The following CEP57L1 variants were observed in gnomAD, a reference collection of about 807,000 sequenced individuals.
The protein encoded by CEP57L1 is centrosomal protein 57 like 1, also known as centrosomal protein CEP57L1.
Under a neutral mutation model 61.0 loss-of-function variants are expected in CEP57L1, and 37 were observed. The ratio of observed to expected loss-of-function variants is 0.61; its 90% CI spans 0.47 to 0.80. The LOEUF is 0.80. Among genes scored for constraint, CEP57L1 ranks in the 30% least tolerant of loss-of-function variants. CEP57L1 has a pLI of 0.00. For missense variants in CEP57L1, 422 were observed against 524.7 expected (o/e 0.80, Z 1.91); for synonymous variants, 137 against 162.3 (o/e 0.84, Z 1.19).
chr6:109,125,525 T>TATATACACATATATATATATATA (rs11454984), intron 1 of CEP57L1, among the ~76,000 whole-genome samples: 3 of 107,546 alleles, frequency 2.8e-5, no homozygotes, highest in African/African-American at 1.1e-4. Context: ...TATATATATA[T>TATATACACATATATATATATATA]TTTTTTTTTA....
In CEP57L1 at chr6:109,170,695, T is replaced by C. The variant is rs1774362642; in HGVS notation, c.*7725T>C. Among the ~76,000 whole-genome samples, 1 of 152,206 alleles carries C rather than the reference T, an allele frequency of 6.6e-6. No homozygotes were observed. Among genetic ancestry groups the C allele is most frequent in the Non-Finnish European group, 1.5e-5 (1 of 68,036 alleles). On this transcript the variant is annotated 3_prime_UTR_variant, in exon 11 of 11. Coordinates refer to ENST00000517392, the MANE Select transcript of CEP57L1 (RefSeq NM_001271852.3). ...TTTTAAAAAGCTCTCGAGAAGTCTG[T>C]GGAACATTTATGGTTTTATAACTTA...
upstream of CEP57L1, chr6:109,095,481 A>G (rs1378729085): frequency 3.0e-6 from 3 of 985,848 alleles, no homozygotes; most frequent in African/African-American, 5.2e-5. Flanking sequence ...TTTGCGACAG[A>G]AACTACAACC....
intron 1 of CEP57L1, among the ~76,000 whole-genome samples, chr6:109,096,346 G>A (rs1341836846): frequency 2.6e-5 from 4 of 152,174 alleles, no homozygotes; most frequent in Non-Finnish European, 5.9e-5. Context: ...CTAGTTGTTA[G>A]ACATACGGTT....
intron 1 of CEP57L1, among the ~76,000 whole-genome samples, chr6:109,099,043 T>C (rs1005183016): frequency 2.6e-5 from 4 of 152,120 alleles, no homozygotes; most frequent in Non-Finnish European, 4.4e-5. Flanking sequence ...ATCTGCAGAT[T>C]TGTGAATGGG....
chr6:109,138,891 A>C lies in CEP57L1; in HGVS notation c.-3-6328A>C, dbSNP rs9386771. ...CTATGAACAATTCTTTTCCTTCGTC[A>C]TAGTTTCATGGATAGAAGATTCATT... On this transcript the variant is annotated intron_variant, in intron 1 of 10. Coordinates refer to ENST00000517392, the MANE Select transcript of CEP57L1 (RefSeq NM_001271852.3). Among the ~76,000 whole-genome samples the C allele has an allele frequency of 2.8e-4, 43 of 152,340 alleles. No individual in the cohort carries two copies. The East Asian group carries it at 6.4e-3, about 23-fold the overall frequency.
intron 1 of CEP57L1, among the ~76,000 whole-genome samples, chr6:109,123,008 G>A (rs1773153235): frequency 6.6e-6 from 1 of 152,150 alleles, no homozygotes; most frequent in Admixed American, 6.5e-5. Context: ...ATATATTTAT[G>A]GGCCGTATCC....
intron 1 of CEP57L1, among the ~76,000 whole-genome samples, chr6:109,100,607 A>C (rs1392676303): frequency 6.9e-6 from 1 of 145,356 alleles, no homozygotes; most frequent in Non-Finnish European, 1.5e-5. Context: ...CCCAGGAGGC[A>C]GAGGTTGCAG....
At chr6:109,131,952 T>C (rs918551838) in intron 1 of CEP57L1, among the ~76,000 whole-genome samples, 1 of 152,144 alleles carries the variant, frequency 6.6e-6, no homozygotes, top group Admixed American at 6.6e-5. Flanking sequence ...AAAGTGTGAA[T>C]CATCCCCTGT....
At chr6:109,153,290 G>A (rs1231127958) in intron 4 of CEP57L1, among the ~76,000 whole-genome samples, 14 of 128,740 alleles carry the variant, frequency 1.1e-4, no homozygotes, top group Admixed American at 3.7e-4. Flanking sequence ...TGCCCAGACT[G>A]GAGTGCGGTA....
Position 109,163,598 on chromosome 6 carries a change from G to T in CEP57L1, c.*628G>T, listed in dbSNP as rs1318278546. The T allele has an allele frequency of 6.6e-6, 1 of 151,866 alleles. No individual in the cohort carries two copies. The highest frequency in any genetic ancestry group is 1.5e-5 in the Non-Finnish European group (1 of 67,942). 9.4% of individuals were successfully genotyped at this position (151,866 alleles called of 1,614,324 possible). Reference sequence around the variant, plus strand: ...ATTCCCATTCTCTTTTACAAAACTAGTTTTTTTTAAAAAATCAATGATCAA... The same window carrying T: ...ATTCCCATTCTCTTTTACAAAACTATTTTTTTTTAAAAAATCAATGATCAA... On this transcript the variant is annotated 3_prime_UTR_variant, in exon 11 of 11. Coordinates refer to ENST00000517392, the MANE Select transcript of CEP57L1 (RefSeq NM_001271852.3).
At position 109,159,355 on chromosome 6, in the gene CEP57L1, T is replaced by C. The variant is rs764414035; in HGVS notation, c.909T>C (p.Thr303=). 3.1e-6 allele frequency: 5 copies of C among 1,614,116 alleles called. No homozygotes were observed. In the South Asian group the frequency reaches 3.3e-5, roughly 11 times the overall value. Residue 303 remains threonine (T), a synonymous_variant, in exon 9 of 11, where the codon ACT becomes ACC. Transcript: ENST00000517392. ...TRCLPKPSRT[T]SWCKAIPPDS... The stretch of plus-strand genomic sequence containing the variant: ...GTCTCCCCAAGCCTTCTAGAACAAC[T>C]TCCTGGTGTAAAGCTATTCCTCCTG...
intron 2 of CEP57L1, among the ~76,000 whole-genome samples, chr6:109,146,511 C>G (rs1039507792): frequency 6.6e-6 from 1 of 151,804 alleles, no homozygotes; most frequent in Non-Finnish European, 1.5e-5. Flanking sequence ...GTGGTTATTA[C>G]CTTTCTCAGT....
intron 7 of CEP57L1, chr6:109,158,216 G>A (rs1008636061): frequency 1.3e-5 from 2 of 156,474 alleles, no homozygotes; most frequent in South Asian, 1.9e-4. Context: ...AGCCGGGCGC[G>A]GTGGCTCACA....
intron 1 of CEP57L1, among the ~76,000 whole-genome samples, chr6:109,130,215 A>G (rs1583497860): frequency 1.3e-5 from 2 of 151,262 alleles, no homozygotes; most frequent in East Asian, 1.9e-4. Context: ...AACTCATTTC[A>G]CTCCCCCCCA....
rs138572884 is a variant in CEP57L1, at chr6:109,156,294, A to C, written c.744+417A>C. The C allele has an allele frequency of 2.4e-3, 363 of 152,930 alleles. 8 individuals are homozygous for C. Among genetic ancestry groups the C allele is most frequent in the Non-Finnish European group, 7.3e-4 (50 of 68,522 alleles). The allele number at this position is 152,930 out of a possible 1,614,324, so 9.5% of individuals were successfully genotyped here. ...ACAACACAGTAGATACTGACAACATAATAAATCCTGAAAGCAGTTTTATGT... is the reference window on the plus strand; with the variant it reads ...ACAACACAGTAGATACTGACAACATCATAAATCCTGAAAGCAGTTTTATGT... On this transcript the variant is annotated intron_variant, in intron 7 of 10. Coordinates refer to ENST00000517392, the MANE Select transcript of CEP57L1 (RefSeq NM_001271852.3).
At chr6:109,151,320 A>G (rs966974950) in intron 4 of CEP57L1, among the ~76,000 whole-genome samples, 4 of 152,212 alleles carry the variant, frequency 2.6e-5, no homozygotes, top group Non-Finnish European at 4.4e-5. Context: ...ATAAGATGAA[A>G]GTCTTTCTCT....
chr6:109,147,242 G>A (rs994398299), intron 3 of CEP57L1, among the ~76,000 whole-genome samples: 5 of 151,964 alleles, frequency 3.3e-5, no homozygotes, highest in East Asian at 1.9e-4. Flanking sequence ...AATTTAACCC[G>A]TAATTGAATA....
chr6:109,113,169 C>T (rs1771873945), intron 1 of CEP57L1, among the ~76,000 whole-genome samples: 1 of 152,090 alleles, frequency 6.6e-6, no homozygotes, highest in African/African-American at 2.4e-5. Flanking sequence ...TCTCTAAGAA[C>T]TTGCTTTATG....
intron 1 of CEP57L1, among the ~76,000 whole-genome samples, chr6:109,105,082 A>G (rs903902494): frequency 1.5e-4 from 23 of 151,984 alleles, no homozygotes; most frequent in African/African-American, 5.3e-4. Flanking sequence ...TTAATAATTT[A>G]TAGGATAGAA....
Sources: gnomAD v4.1 joint callset for allele counts (sites outside exome capture counted in the v4.1 genomes callset) on GRCh38, gnomAD v4.1.1 for gene constraint, MANE v1.5 for transcripts, NCBI Gene and HGNC (gene_info 2026-07-23, HGNC 2026-07-21) for gene names.